THOC2: variants seen among roughly 807,000 people sequenced by gnomAD.
THOC2 encodes the protein THO complex subunit 2.
A neutral mutation model predicts 128.4 loss-of-function variants in THOC2; 10 were observed. The observed-to-expected ratio is 0.08, with a 90% confidence interval of 0.05 to 0.13. THOC2 has a LOEUF of 0.13. Among genes scored for constraint, THOC2 ranks in the 10% least tolerant of loss-of-function variants. The pLI is 1.00. For synonymous variants in THOC2, 393 were observed against 396.9 expected (o/e 0.99, Z 0.12); for missense variants, 535 against 1,155.7 (o/e 0.46, Z 7.79).
chrX:123,626,187 T>A, intron 24 of THOC2, 118 bp from the exon 25 acceptor site: 2 of 509,809 alleles, frequency 3.9e-6, no homozygotes, highest in East Asian at 3.9e-5. Context: ...ACAAACTATT[T>A]ATAGTTTGTA....
chrX:123,682,484 G>C (rs961140220), intron 8 of THOC2, among the ~76,000 whole-genome samples: 13 of 111,779 alleles, frequency 1.2e-4, no homozygotes, highest in African/African-American at 4.2e-4. Context: ...TCACACCTTA[G>C]AGCCATTGCA....
At chrX:123,700,339 A>T (rs1037689535) in intron 4 of THOC2, among the ~76,000 whole-genome samples, 1 of 107,745 alleles carries the variant, frequency 9.3e-6, no homozygotes, top group Non-Finnish European at 1.9e-5. Flanking sequence ...TATCTCTATT[A>T]AAAATACAAA....
At chrX:123,627,545 A>G in intron 23 of THOC2, 148 bp downstream of exon 23, 1 of 580,942 alleles carries the variant, frequency 1.7e-6, no homozygotes. Context: ...CCCCCCACTC[A>G]GAAGTAACTA....
At chrX:123,672,249 C>T (rs990983026) in intron 8 of THOC2, among the ~76,000 whole-genome samples, 22 of 109,701 alleles carry the variant, frequency 2.0e-4, no homozygotes, top group South Asian at 4.0e-4. Context: ...AGCGATCCTC[C>T]CACCTCAGCC....
intron 8 of THOC2, among the ~76,000 whole-genome samples, chrX:123,678,685 G>A (rs1016988614): frequency 4.5e-5 from 5 of 110,552 alleles, no homozygotes; most frequent in East Asian, 2.8e-4. Context: ...CTTCAGCTAC[G>A]TGTTCCTGTT....
chrX:123,718,700 A>T (rs1456541617), intron 1 of THOC2, among the ~76,000 whole-genome samples: 1 of 109,901 alleles, frequency 9.1e-6, no homozygotes, highest in Non-Finnish European at 1.9e-5. Flanking sequence ...CAGAGATTGC[A>T]GTAAGCCAAG....
At chrX:123,610,207 A>T (rs896977169) in intron 38 of THOC2, 2 of 110,467 alleles carry the variant, frequency 1.8e-5, no homozygotes, top group African/African-American at 6.6e-5. Flanking sequence ...TAGGGTCTGA[A>T]CACTGTATCC....
intron 7 of THOC2, among the ~76,000 whole-genome samples, chrX:123,690,064 C>T (rs1258765870): frequency 1.8e-5 from 2 of 110,887 alleles, no homozygotes. Flanking sequence ...GCCTTTATGC[C>T]TTTTGAGGAA....
At chrX:123,629,177 CAT>C (rs1313721237) in intron 22 of THOC2, among the ~76,000 whole-genome samples, 1 of 95,525 alleles carries the variant, frequency 1.0e-5, no homozygotes, top group African/African-American at 3.8e-5. Flanking sequence ...ATGAAGATAA[CAT>C]ATATATGAAC....
chrX:123,707,056 A>C (rs2050963673), intron 2 of THOC2, 107 bp from the exon 3 acceptor site: 2 of 337,475 alleles, frequency 5.9e-6, no homozygotes, highest in African/African-American at 5.4e-5. Context: ...AATAATGAAA[A>C]ATATAATTCT....
chrX:123,626,093 T>A, intron 24 of THOC2, 24 bp from the exon 25 acceptor site: 1 of 1,126,769 alleles, frequency 8.9e-7, no homozygotes, highest in Non-Finnish European at 1.2e-6. Context: ...AAGAATATAT[T>A]AAGTGGTAAA....
chrX:123,651,391 G>A (rs926410202), intron 12 of THOC2, among the ~76,000 whole-genome samples: 1 of 111,489 alleles, frequency 9.0e-6, no homozygotes, highest in Non-Finnish European at 1.9e-5. Context: ...ATTAAAAGAA[G>A]TAGAGAAGCA....
intron 4 of THOC2, among the ~76,000 whole-genome samples, chrX:123,701,986 C>T (rs1414775425): frequency 8.9e-6 from 1 of 111,800 alleles, no homozygotes; most frequent in African/African-American, 3.3e-5. Flanking sequence ...TCTGAAACTT[C>T]CTGAAGGATC....
In THOC2 at chrX:123,606,286, A is replaced by AAAAG. The variant is rs1204784684; in HGVS notation, c.*18+4628_*18+4631dup. Reference sequence around the variant, plus strand: ...GACCTCGTCTCTACAAAAAAAAAAAAAAAGAAAGAAAGAAAGAAAGACAGG... The same window carrying AAAAG: ...GACCTCGTCTCTACAAAAAAAAAAAAAAAGAAAGAAAGAAAGAAAGAAAGACAGG... On this transcript the variant is annotated intron_variant, in intron 38 of 38. Transcript: ENST00000245838. 7.9e-3 allele frequency among the ~76,000 whole-genome samples: 854 copies of AAAAG among 108,271 alleles called. 4 individuals are homozygous for AAAAG. The highest frequency in any genetic ancestry group is 0.014 in the Non-Finnish European group (712 of 52,222). 94.0% of individuals were successfully genotyped at this position (108,271 alleles called of 115,157 possible).
In THOC2 at chrX:123,613,459, T is replaced by A. The variant is rs1400410466; in HGVS notation, c.4617A>T (p.Glu1539Asp). ...EKNKSKSSGKEKGSDSFKSEK... is the reference protein window; with the variant it reads ...EKNKSKSSGKDKGSDSFKSEK... ...CAGATTTAAATGAATCACTGCCTTT[T>A]TCTTTGCCTGAAGATTTTGACTTAT... Residue 1539 changes from glutamate to aspartate, a missense_variant, in exon 36 of 39, where the codon GAA becomes GAT. Physicochemically the swap from Glu to Asp is conservative, Grantham distance 45 (BLOSUM62 2). Coordinates refer to ENST00000245838, the MANE Select transcript of THOC2 (RefSeq NM_001081550.2). The A allele has an allele frequency of 4.1e-6, 5 of 1,210,493 alleles. No homozygotes were observed. The highest frequency in any genetic ancestry group is 5.6e-6 in the Non-Finnish European group (5 of 894,457).
chrX:123,639,810 T>A (rs1373589207), intron 16 of THOC2, among the ~76,000 whole-genome samples: 3 of 111,750 alleles, frequency 2.7e-5, no homozygotes, highest in African/African-American at 6.5e-5. Context: ...CTTAAAAAAA[T>A]TAATTTAAAA....
intron 9 of THOC2, among the ~76,000 whole-genome samples, chrX:123,670,654 G>C (rs2049240580): frequency 8.9e-6 from 1 of 112,062 alleles, no homozygotes; most frequent in South Asian, 3.7e-4. Flanking sequence ...TTTATACTCA[G>C]TTAATTCTAC....
chrX:123,699,387 A>G lies in THOC2; in HGVS notation c.275-1636T>C, dbSNP rs148616129. Among the ~76,000 whole-genome samples the G allele has an allele frequency of 6.4e-3, 716 of 111,962 alleles. 10 individuals are homozygous for G. The highest frequency in any genetic ancestry group is 0.021 in the African/African-American group (661 of 30,841). On this transcript the variant is annotated intron_variant, in intron 4 of 38. Transcript: ENST00000245838. ...CTAAGCACACAGTTAGCTCATGTGT[A>G]TTAAGGAAATTTTAGGGTATAATTT...
chrX:123,648,529 A>AC (rs990524967), intron 12 of THOC2, among the ~76,000 whole-genome samples: 6 of 111,452 alleles, frequency 5.4e-5, no homozygotes, highest in Admixed American at 9.5e-5. Flanking sequence ...AGCAGATCCC[A>AC]CCCCCACGGA....
Sources: gnomAD v4.1 joint callset for allele counts (sites outside exome capture counted in the v4.1 genomes callset) on GRCh38, gnomAD v4.1.1 for gene constraint, MANE v1.5 for transcripts, NCBI Gene and HGNC (gene_info 2026-07-23, HGNC 2026-07-21) for gene names.